GJB7: variants seen among roughly 807,000 people sequenced by gnomAD.
GJB7 encodes the protein gap junction beta-7 protein.
For missense variants in GJB7, 253 were observed against 256.8 expected (o/e 0.99, Z 0.10); for synonymous variants, 87 against 95.2 (o/e 0.91, Z 0.50).
chr6:87,328,775 T>A (rs936225106), intron 1 of GJB7, among the ~76,000 whole-genome samples: 9 of 152,228 alleles, frequency 5.9e-5, no homozygotes, highest in Non-Finnish European at 1.2e-4. Flanking sequence ...TGTGGTGGGC[T>A]CCACCCAGTT....
intron 1 of GJB7, among the ~76,000 whole-genome samples, chr6:87,327,981 C>T (rs1279202259): frequency 2.6e-5 from 4 of 151,418 alleles, no homozygotes; most frequent in Non-Finnish European, 4.4e-5. Context: ...TCTAAACTTC[C>T]CTTCTCGCTT....
chr6:87,319,983 T>C (rs1402354151), intron 2 of GJB7, among the ~76,000 whole-genome samples: 1 of 151,776 alleles, frequency 6.6e-6, no homozygotes, highest in Non-Finnish European at 1.5e-5. Context: ...CTCATGAAAA[T>C]AGAGTAGAAT....
At chr6:87,322,375 G>A (rs1776680794) in intron 2 of GJB7, 1 of 151,558 alleles carries the variant, frequency 6.6e-6, no homozygotes, top group African/African-American at 2.4e-5. Context: ...GAAAACTAAA[G>A]GTCAAAAAGG....
chr6:87,304,213 C>T (rs549248572), intron 2 of GJB7, among the ~76,000 whole-genome samples: 4 of 152,054 alleles, frequency 2.6e-5, no homozygotes, highest in South Asian at 2.1e-4. Context: ...CAAAAAAAAC[C>T]CTTCAAAAAA....
At chr6:87,302,073 T>C (rs911258476) in intron 2 of GJB7, among the ~76,000 whole-genome samples, 3 of 151,798 alleles carry the variant, frequency 2.0e-5, no homozygotes, top group Non-Finnish European at 4.4e-5. Flanking sequence ...ACCACAAAGA[T>C]GGGGAAAAAA....
intron 1 of GJB7, among the ~76,000 whole-genome samples, chr6:87,323,247 G>A (rs1776715837): frequency 6.7e-6 from 1 of 148,162 alleles, no homozygotes; most frequent in Admixed American, 6.7e-5. Flanking sequence ...CCAAGAGGTG[G>A]AAAGATACTT....
At chr6:87,289,434 A>G (rs1418902094) in intron 2 of GJB7, among the ~76,000 whole-genome samples, 2 of 152,254 alleles carry the variant, frequency 1.3e-5, no homozygotes, top group Non-Finnish European at 2.9e-5. Flanking sequence ...GATACTACAC[A>G]TAACAATTGA....
At chr6:87,315,081 A>G (rs1482396814) in intron 2 of GJB7, among the ~76,000 whole-genome samples, 2 of 152,118 alleles carry the variant, frequency 1.3e-5, no homozygotes, top group African/African-American at 4.8e-5. Flanking sequence ...ATTGGAAGAA[A>G]GCATCTCTTT....
intron 2 of GJB7, among the ~76,000 whole-genome samples, chr6:87,292,181 A>G (rs1407209445): frequency 2.0e-5 from 3 of 152,256 alleles, no homozygotes; most frequent in African/African-American, 7.2e-5. Context: ...AAAAAATCCA[A>G]AATCGCTCAT....
chr6:87,328,927 G>A (rs1436635921), intron 1 of GJB7, among the ~76,000 whole-genome samples: 5 of 152,186 alleles, frequency 3.3e-5, no homozygotes, highest in Non-Finnish European at 5.9e-5. Flanking sequence ...AGGACCCTCC[G>A]AACCACGTGC....
At chr6:87,322,314 T>A (rs566312968) in intron 2 of GJB7, 2 of 152,352 alleles carry the variant, frequency 1.3e-5, no homozygotes, top group East Asian at 3.9e-4. Flanking sequence ...TCTCCTTTTA[T>A]TTATACAAAC....
At chr6:87,308,181 A>G (rs1049251761) in intron 2 of GJB7, among the ~76,000 whole-genome samples, 18 of 146,020 alleles carry the variant, frequency 1.2e-4, no homozygotes, top group Non-Finnish European at 2.3e-4. Context: ...AACAATGAGA[A>G]CACTTGGACA....
intron 2 of GJB7, among the ~76,000 whole-genome samples, chr6:87,304,655 A>G (rs2127904525): frequency 6.6e-6 from 1 of 152,260 alleles, no homozygotes; most frequent in East Asian, 1.9e-4. Flanking sequence ...AAAAGAGGGA[A>G]TCCTCCCTAA....
chr6:87,311,855 C>T (rs1776515804), intron 2 of GJB7, among the ~76,000 whole-genome samples: 1 of 152,114 alleles, frequency 6.6e-6, no homozygotes, highest in Non-Finnish European at 1.5e-5. Flanking sequence ...CTCTCAGTCC[C>T]ATAGTTAAGT....
chr6:87,296,714 C>T lies in GJB7; in HGVS notation c.-27-11775G>A, dbSNP rs533794113. On this transcript the variant is annotated intron_variant, in intron 2 of 2. Transcript: ENST00000525899. ...GAAAGGATTTGGGGAATAACTATTA[C>T]TCTTTTGTTCCTCCTCTTGGGAAGT... 2.0e-5 allele frequency among the ~76,000 whole-genome samples: 3 copies of T among 152,094 alleles called. No individual in the cohort carries two copies. The East Asian group carries it at 5.8e-4, about 29-fold the overall frequency.
intron 2 of GJB7, among the ~76,000 whole-genome samples, chr6:87,301,491 C>T (rs1339619980): frequency 2.0e-5 from 3 of 152,232 alleles, no homozygotes; most frequent in African/African-American, 4.8e-5. Flanking sequence ...GATGGGCGCC[C>T]GCCATTGCTG....
chr6:87,306,323 A>C (rs1001437763), intron 2 of GJB7, among the ~76,000 whole-genome samples: 5 of 151,634 alleles, frequency 3.3e-5, no homozygotes, highest in African/African-American at 7.3e-5. Flanking sequence ...ACTCCAACAA[A>C]TTTATAAGAA....
chr6:87,288,454 T>A (rs1315912849), intron 2 of GJB7, among the ~76,000 whole-genome samples: 1 of 152,210 alleles, frequency 6.6e-6, no homozygotes, highest in Non-Finnish European at 1.5e-5. Flanking sequence ...CTTTTAAATC[T>A]TTCTTGCCTC....
In GJB7 at chr6:87,283,169, C is replaced by A. The variant is rs146235030; in HGVS notation, c.*1072G>T. ...AACAACATAGTACACATTTTACTATCTGTCCTAGAGGGAGATATACTAGTA... is the reference window on the plus strand; with the variant it reads ...AACAACATAGTACACATTTTACTATATGTCCTAGAGGGAGATATACTAGTA... On this transcript the variant is annotated 3_prime_UTR_variant, in exon 3 of 3. Transcript: ENST00000525899. 1 of 152,344 alleles carries A rather than the reference C, an allele frequency of 6.6e-6. No individual in the cohort carries two copies. Among genetic ancestry groups the A allele is most frequent in the African/African-American group, 2.4e-5 (1 of 41,582 alleles). 9.4% of individuals were successfully genotyped at this position (152,344 alleles called of 1,614,324 possible).
Sources: allele counts gnomAD v4.1 joint callset (sites outside exome capture counted in the v4.1 genomes callset), GRCh38; gene constraint gnomAD v4.1.1; transcripts MANE v1.5; gene names NCBI Gene and HGNC (gene_info 2026-07-23, HGNC 2026-07-21).